Variants in ZC3H6 observed in about 807,000 individuals in gnomAD.
ZC3H6 encodes zinc finger CCCH-type containing 6.
ZC3H6 carries 40 observed loss-of-function variants against 107.7 expected under a neutral mutation model. That is an observed-to-expected ratio of 0.37 (90% CI 0.29 to 0.48). The LOEUF (loss-of-function observed/expected upper bound fraction) is 0.48. Ranked by LOEUF, ZC3H6 falls within the 20% of genes least tolerant of loss-of-function variation. The probability of loss-of-function intolerance (pLI) is 0.98; values close to 1 mark genes in which losing one functional copy is unlikely to be tolerated. For missense variants in ZC3H6, 1,267 were observed against 1,410.4 expected, an observed-to-expected ratio of 0.90 and a Z score of 1.63; for synonymous variants, 493 against 487.9, an observed-to-expected ratio of 1.01 and a Z score of -0.14.
At chr2:112,294,915 TA>T (rs1676203769) in intron 1 of ZC3H6, among the ~76,000 whole-genome samples, 1 of 152,190 alleles carries the variant, frequency 6.6e-6, no homozygotes, top group Non-Finnish European at 1.5e-5. Flanking sequence ...AAAATATTTT[TA>T]ACTATTTTTT....
chr2:112,299,168 T>C (rs1676307614), intron 1 of ZC3H6, among the ~76,000 whole-genome samples: 1 of 151,728 alleles, frequency 6.6e-6, no homozygotes, highest in Admixed American at 6.6e-5. Flanking sequence ...TCCCAGCTAC[T>C]TGGGAGGCTG....
chr2:112,324,673 CT>C lies in ZC3H6; in HGVS notation c.1852+16del, dbSNP rs59100751. 630,448 of 1,546,410 alleles carry C rather than the reference CT, an allele frequency of 0.41. 139,251 individuals are homozygous for C. The highest frequency in any genetic ancestry group is 0.78 in the East Asian group (34,099 of 43,622). Reference sequence around the variant, plus strand: ...CCCAATAACTCTGGTGGTAAGTTTACTTTTTTGAAATAATTTATTCCTAATT... The same window carrying C: ...CCCAATAACTCTGGTGGTAAGTTTACTTTTTGAAATAATTTATTCCTAATT... On this transcript the variant is annotated intron_variant, in intron 10 of 11. Coordinates refer to ENST00000409871, the MANE Select transcript of ZC3H6 (RefSeq NM_198581.3).
Position 112,324,655 on chromosome 2 carries a change from A to G in ZC3H6, c.1844A>G (p.Asn615Ser), listed in dbSNP as rs774538104. The G allele has an allele frequency of 6.3e-7, 1 of 1,585,872 alleles. No homozygotes were observed. Among genetic ancestry groups the G allele is most frequent in the Non-Finnish European group, 8.6e-7 (1 of 1,167,774 alleles). The change falls in exon 10 of 12, where the codon AAC (asparagine) becomes AGC (serine). Residue 615 changes from asparagine (N) to serine (S), a missense_variant. Around this residue, in one of 3 missense-constraint regions of ZC3H6, gnomAD observed 925 missense variants for 1,025.7 expected, o/e 0.90. Transcript: ENST00000409871. ...ATACATAATTTTCAGCCACCCAATA[A>G]CTCTGGTGGTAAGTTTACTTTTTTG... ...HSIHNFQPPN[N>S]SGDGMWHGEF...
chr2:112,299,609 G>T (rs1676329537), intron 1 of ZC3H6, among the ~76,000 whole-genome samples: 1 of 152,166 alleles, frequency 6.6e-6, no homozygotes, highest in South Asian at 2.1e-4. Flanking sequence ...AACTTCGGCT[G>T]CTGATAATGG....
chr2:112,277,366 G>A (rs983434317), intron 1 of ZC3H6, among the ~76,000 whole-genome samples: 1 of 151,792 alleles, frequency 6.6e-6, no homozygotes, highest in South Asian at 2.1e-4. Flanking sequence ...CCAATGATGG[G>A]GTTTTGCTAA....
rs936984127 is a variant in ZC3H6 at position 112,333,138 on chromosome 2, G to A, written c.*650G>A. 4.6e-5 allele frequency: 7 copies of A among 152,436 alleles called. No individual in the cohort carries two copies. Among genetic ancestry groups the A allele is most frequent in the African/African-American group, 1.7e-4 (7 of 41,412 alleles). The allele number at this position is 152,436 out of a possible 1,614,324, so 9.4% of individuals were successfully genotyped here. On this transcript the variant is annotated 3_prime_UTR_variant, in exon 12 of 12. Coordinates refer to ENST00000409871, the MANE Select transcript of ZC3H6 (RefSeq NM_198581.3). Reference sequence around the variant, plus strand: ...TGGAGGTATATAAATAGAACATTTTGCTAAAGTGAAAAATTTCCAAGTTCT... The same window carrying A: ...TGGAGGTATATAAATAGAACATTTTACTAAAGTGAAAAATTTCCAAGTTCT...
rs369432678 is a variant in ZC3H6 at position 112,311,957 on chromosome 2, A to C, written c.747+20A>C. The stretch of plus-strand genomic sequence containing the variant: ...CAAGAGGTACTAAGAATTTATGTAT[A>C]AGGAGGGGAGGAGCTTTTTCATCTT... On this transcript the variant is annotated intron_variant, in intron 5 of 11. Transcript: ENST00000409871. 1.3e-6 allele frequency: 2 copies of C among 1,580,342 alleles called. No individual in the cohort carries two copies. The highest frequency in any genetic ancestry group is 3.6e-5 in the Admixed American group (2 of 54,934).
At chr2:112,290,314 C>G (rs912323741) in intron 1 of ZC3H6, among the ~76,000 whole-genome samples, 2 of 152,256 alleles carry the variant, frequency 1.3e-5, no homozygotes, top group Non-Finnish European at 2.9e-5. Flanking sequence ...AAGTTTTGCT[C>G]ATCCTATTCC....
chr2:112,336,646 G>GTCA lies in ZC3H6; in HGVS notation c.*4159_*4161dup, dbSNP rs1377483401. 2.0e-5 allele frequency: 3 copies of GTCA among 152,086 alleles called. No homozygotes were observed. The East Asian group carries it at 5.8e-4, about 29-fold the overall frequency. 9.4% of individuals were successfully genotyped at this position (152,086 alleles called of 1,614,324 possible). On this transcript the variant is annotated 3_prime_UTR_variant, in exon 12 of 12. Transcript: ENST00000409871. ...TTGCAGAAAGTTTTGGCAGCTACCA[G>GTCA]TCACTATATTGCTGGAGTTTTGTGT...
intron 3 of ZC3H6, among the ~76,000 whole-genome samples, chr2:112,309,003 G>A (rs1676544027): frequency 6.6e-6 from 1 of 151,990 alleles, no homozygotes. Flanking sequence ...AGTGAGCCAA[G>A]ATCATGCCAC....
rs1558952940 is a variant in ZC3H6, at chr2:112,311,807, T to C, written c.617T>C (p.Ile206Thr). 6.2e-7 allele frequency: 1 copy of C among 1,608,934 alleles called. No individual in the cohort carries two copies. Among genetic ancestry groups the C allele is most frequent in the Non-Finnish European group, 8.5e-7 (1 of 1,177,224 alleles). Residue 206 changes from isoleucine (I) to threonine (T), a missense_variant, in exon 5 of 12, where the codon ATT (isoleucine) becomes ACT (threonine). Coordinates refer to ENST00000409871, the MANE Select transcript of ZC3H6 (RefSeq NM_198581.3). The stretch of plus-strand genomic sequence containing the variant: ...AAGTACATTTTAACTTTTCTAGGTA[T>C]TGAACAGAGAGTTAAAAGTTTTAAT... The part of the protein sequence containing the change: ...KQRMKGVQQG[I>T]EQRVKSFNVG...
intron 1 of ZC3H6, among the ~76,000 whole-genome samples, chr2:112,279,577 C>T (rs1486942299): frequency 1.3e-5 from 2 of 152,082 alleles, no homozygotes; most frequent in South Asian, 2.1e-4. Flanking sequence ...TCGCAGCTTT[C>T]TGTCCTGTAC....
In ZC3H6 at chr2:112,303,296, G is replaced by C. The variant is rs769532656; in HGVS notation, c.281G>C (p.Ser94Thr). Residue 94 changes from serine (S) to threonine (T), a missense_variant, in exon 3 of 12, where the codon AGT (serine) becomes ACT (threonine). Coordinates refer to ENST00000409871, the MANE Select transcript of ZC3H6 (RefSeq NM_198581.3). ...SLDSDVEHTE[S>T]SHKKRTGFYR... Reference sequence around the variant, plus strand: ...GATTCAGATGTTGAACATACAGAAAGTTCCCATAAAAAAAGAACTGGTTTC... The same window carrying C: ...GATTCAGATGTTGAACATACAGAAACTTCCCATAAAAAAAGAACTGGTTTC... 1.2e-6 allele frequency: 2 copies of C among 1,613,042 alleles called. No individual in the cohort carries two copies. Among genetic ancestry groups the C allele is most frequent in the Admixed American group, 3.3e-5 (2 of 59,968 alleles).
At chr2:112,309,158 T>G (rs1245069813) in intron 3 of ZC3H6, among the ~76,000 whole-genome samples, 1 of 152,182 alleles carries the variant, frequency 6.6e-6, no homozygotes, top group Non-Finnish European at 1.5e-5. Context: ...TTTTTCTCGC[T>G]TTACTAAAAA....
intron 3 of ZC3H6, among the ~76,000 whole-genome samples, chr2:112,307,574 C>A (rs968493864): frequency 7.9e-5 from 12 of 152,112 alleles, no homozygotes; most frequent in Non-Finnish European, 1.3e-4. Flanking sequence ...CCAATGATGA[C>A]CATATGAACC....
At position 112,275,845 on chromosome 2, in the gene ZC3H6, C is replaced by T. The variant is rs939995665; in HGVS notation, c.-150C>T. 7 of 577,656 alleles carry T rather than the reference C, an allele frequency of 1.2e-5. No homozygotes were observed. The highest frequency in any genetic ancestry group is 1.2e-4 in the African/African-American group (6 of 49,958). 35.8% of individuals were successfully genotyped at this position (577,656 alleles called of 1,614,324 possible). ...CTGGAAAGTCTGTGTCTGTGTCGCTCACTAGTAACCGTGAGTTTTTACCAC... is the reference window on the plus strand; with the variant it reads ...CTGGAAAGTCTGTGTCTGTGTCGCTTACTAGTAACCGTGAGTTTTTACCAC... On this transcript the variant is annotated 5_prime_UTR_variant, in exon 1 of 12. Transcript: ENST00000409871.
At chr2:112,315,347 T>C (rs978447513) in intron 5 of ZC3H6, among the ~76,000 whole-genome samples, 70 of 152,280 alleles carry the variant, frequency 4.6e-4, no homozygotes, top group African/African-American at 1.7e-3. Flanking sequence ...TTCTTAAGTT[T>C]TTTTCTTAAC....
At chr2:112,309,857 C>G in intron 3 of ZC3H6, 28 bp from the exon 4 acceptor site, 2 of 1,540,840 alleles carry the variant, frequency 1.3e-6, no homozygotes, top group Non-Finnish European at 1.8e-6. Flanking sequence ...TTGAAAAATC[C>G]TGATAATGAT....
Position 112,303,470 on chromosome 2 carries a change from C to T in ZC3H6, c.336+119C>T, listed in dbSNP as rs1177649246. 1.7e-5 allele frequency: 11 copies of T among 657,894 alleles called. No individual in the cohort carries two copies. In the African/African-American group the frequency reaches 2.1e-4, roughly 12 times the overall value. The allele number at this position is 657,894 out of a possible 1,614,324, so 40.8% of individuals were successfully genotyped here. A position where few individuals can be genotyped will look rare whatever the true frequency, so the allele number is the denominator to read the frequency against. Reference sequence around the variant, plus strand: ...TATTGACAGTGTTGTTCAATCATCACCACTTATCCATTTCTAGAAATTCTT... The same window carrying T: ...TATTGACAGTGTTGTTCAATCATCATCACTTATCCATTTCTAGAAATTCTT... On this transcript the variant is annotated intron_variant, in intron 3 of 11. Coordinates refer to ENST00000409871, the MANE Select transcript of ZC3H6 (RefSeq NM_198581.3).
Sources: allele counts gnomAD v4.1 joint callset (sites outside exome capture counted in the v4.1 genomes callset), GRCh38; gene constraint gnomAD v4.1.1; regional missense constraint gnomAD v4.1.1; transcripts MANE v1.5; gene names NCBI Gene and HGNC (gene_info 2026-07-23, HGNC 2026-07-21).